NEBL: variants seen among roughly 807,000 people sequenced by gnomAD.
The protein encoded by NEBL is nebulette.
NEBL carries 122 observed loss-of-function variants against 140.2 expected under a neutral mutation model. That is an observed-to-expected ratio of 0.87 (90% confidence interval 0.75 to 1.01). NEBL has a LOEUF of 1.01. NEBL is among the 50% of genes least tolerant of loss of function. The probability of loss-of-function intolerance (pLI) is 0.00; values close to 1 mark genes in which losing one functional copy is unlikely to be tolerated. For synonymous variants in NEBL, 436 were observed against 398.9 expected (o/e 1.09, Z -1.11); for missense variants, 1,365 against 1,231.3 (o/e 1.11, Z -1.62).
chr10:21,064,828 G>A (rs1257625193), intron 2 of NEBL, among the ~76,000 whole-genome samples: 1 of 152,024 alleles, frequency 6.6e-6, no homozygotes, highest in Non-Finnish European at 1.5e-5. Flanking sequence ...GAGATCTATG[G>A]TGAGAGGTGC....
chr10:21,027,892 A>G (rs1833581585), intron 2 of NEBL, among the ~76,000 whole-genome samples: 1 of 152,088 alleles, frequency 6.6e-6, no homozygotes, highest in African/African-American at 2.4e-5. Flanking sequence ...TTGTAGGAAA[A>G]ATGGTTGTTT....
intron 4 of NEBL, among the ~76,000 whole-genome samples, chr10:20,906,670 T>C (rs184920539): frequency 1.2e-4 from 18 of 152,118 alleles, no homozygotes; most frequent in Non-Finnish European, 4.4e-5. Context: ...TGTGTCTATG[T>C]TCATTCAATC....
intron 2 of NEBL, among the ~76,000 whole-genome samples, chr10:21,084,508 C>T (rs933033822): frequency 6.6e-6 from 1 of 151,810 alleles, no homozygotes; most frequent in African/African-American, 2.4e-5. Flanking sequence ...TCACTTGAAC[C>T]CAGGAAGGAT....
At chr10:20,899,373 A>G, upstream of NEBL, 1 of 1,301,202 alleles carries the variant, frequency 7.7e-7, no homozygotes, top group Non-Finnish European at 1.0e-6. Flanking sequence ...CCCAAGGTGA[A>G]TTACCTTCAT....
At chr10:21,146,546 C>A in intron 2 of NEBL, 1 of 1,542,014 alleles carries the variant, frequency 6.5e-7, no homozygotes, top group Non-Finnish European at 8.9e-7. Flanking sequence ...GAAAATGGTG[C>A]TGTGTTTGGG....
At chr10:20,897,894 G>A (rs185890347), upstream of NEBL, among the ~76,000 whole-genome samples, 13 of 152,248 alleles carry the variant, frequency 8.5e-5, no homozygotes, top group East Asian at 5.8e-4. Flanking sequence ...TTATACTGGC[G>A]AGTATGGTAT....
chr10:20,905,848 A>G (rs769056570), intron 4 of NEBL, among the ~76,000 whole-genome samples: 1 of 152,174 alleles, frequency 6.6e-6, no homozygotes, highest in Non-Finnish European at 1.5e-5. Context: ...TACATGACGG[A>G]AATGTATAGA....
chr10:20,852,677 T>C (rs762305344), intron 9 of NEBL, 28 bp from the exon 10 acceptor site: 1 of 1,528,256 alleles, frequency 6.5e-7, no homozygotes, highest in South Asian at 1.1e-5. Flanking sequence ...GAAATCAACT[T>C]AGAATCAAAG....
intron 3 of NEBL, among the ~76,000 whole-genome samples, chr10:21,240,234 T>C (rs368466593): frequency 6.6e-6 from 1 of 152,252 alleles, no homozygotes; most frequent in Admixed American, 6.5e-5. Flanking sequence ...CCTGTATTTC[T>C]AGCTTTTCAG....
chr10:21,261,874 C>T (rs956068958), intron 1 of NEBL, among the ~76,000 whole-genome samples: 6 of 152,038 alleles, frequency 3.9e-5, no homozygotes, highest in East Asian at 1.9e-4. Context: ...CCTGCTGAGA[C>T]GTGCACACTC....
intron 11 of NEBL, among the ~76,000 whole-genome samples, chr10:20,847,035 T>C (rs1360276745): frequency 6.6e-6 from 1 of 152,136 alleles, no homozygotes; most frequent in Admixed American, 6.6e-5. Flanking sequence ...GTGGCTTTTC[T>C]TGGGATCATA....
intron 4 of NEBL, among the ~76,000 whole-genome samples, chr10:20,957,390 G>C (rs894872279): frequency 1.5e-4 from 23 of 152,134 alleles, no homozygotes; most frequent in Admixed American, 3.3e-4. Flanking sequence ...TTTTTTAAAA[G>C]TGTCACTCTT....
At chr10:21,071,076 T>C (rs531098764) in intron 2 of NEBL, among the ~76,000 whole-genome samples, 87 of 151,486 alleles carry the variant, frequency 5.7e-4, no homozygotes, top group African/African-American at 1.6e-3. Context: ...GGAGGCTAAG[T>C]CAGGAGGATC....
chr10:20,898,741 A>G (rs974271963), upstream of NEBL, among the ~76,000 whole-genome samples: 1 of 152,148 alleles, frequency 6.6e-6, no homozygotes, highest in African/African-American at 2.4e-5. Flanking sequence ...CCTGAACACA[A>G]ACCTGTTTAT....
At chr10:20,859,646 C>T in intron 8 of NEBL, 67 bp downstream of exon 8, 3 of 1,067,154 alleles carry the variant, frequency 2.8e-6, no homozygotes, top group Non-Finnish European at 4.3e-6. Flanking sequence ...AATTACAACA[C>T]AGTCGATTCT....
At chr10:20,985,129 G>C (rs1385577031) in intron 3 of NEBL, among the ~76,000 whole-genome samples, 2 of 152,140 alleles carry the variant, frequency 1.3e-5, no homozygotes, top group Admixed American at 1.3e-4. Context: ...TAGACATAAA[G>C]TGTACAATAA....
At chr10:21,106,565 A>C (rs1179624999) in intron 2 of NEBL, among the ~76,000 whole-genome samples, 2 of 152,176 alleles carry the variant, frequency 1.3e-5, no homozygotes, top group Admixed American at 1.3e-4. Flanking sequence ...TGGTACCAGT[A>C]CCAGCCTGTT....
At chr10:21,169,095 T>A (rs1306473323) in intron 2 of NEBL, among the ~76,000 whole-genome samples, 12 of 120,248 alleles carry the variant, frequency 1.0e-4, no homozygotes, top group Admixed American at 1.8e-4. Flanking sequence ...TATATATATA[T>A]ATATATATAT....
rs3990287 is a variant in NEBL at position 20,814,617 on chromosome 10, T to TAC, written c.2242-576_2242-575dup. On this transcript the variant is annotated intron_variant, in intron 22 of 27. Coordinates refer to ENST00000377122, the MANE Select transcript of NEBL (RefSeq NM_006393.3). ...TGTCTCAAACACACACATACACACA[T>TAC]ACACACACACACACACACACACAAC... Among the ~76,000 whole-genome samples, 837 of 146,512 alleles carry TAC rather than the reference T, an allele frequency of 5.7e-3. 4 individuals carry two copies. The highest frequency in any genetic ancestry group is 0.016 in the African/African-American group (646 of 39,250).
Sources: gnomAD v4.1 joint callset for allele counts (sites outside exome capture counted in the v4.1 genomes callset) on GRCh38, gnomAD v4.1.1 for gene constraint, MANE v1.5 for transcripts, NCBI Gene and HGNC (gene_info 2026-07-23, HGNC 2026-07-21) for gene names.